The following CNTNAP4 variants were observed in gnomAD, a reference collection of about 807,000 sequenced individuals.
CNTNAP4 encodes contactin associated protein family member 4.
CNTNAP4 carries 98 observed loss-of-function variants against 148.4 expected under a neutral mutation model. The observed-to-expected ratio is 0.66, with a 90% confidence interval of 0.56 to 0.78. The LOEUF (loss-of-function observed/expected upper bound fraction) is 0.78. CNTNAP4 is among the 30% of genes least tolerant of loss of function. The probability of loss-of-function intolerance (pLI) is 0.00; values close to 1 mark genes in which losing one functional copy is unlikely to be tolerated. For missense variants in CNTNAP4, 1,935 were observed against 1,565.6 expected, an observed-to-expected ratio of 1.24 and a Z score of -3.98; for synonymous variants, 730 against 565.1, an observed-to-expected ratio of 1.29 and a Z score of -4.14.
At position 76,385,821 on chromosome 16, in the gene CNTNAP4, A is replaced by G. The variant is rs60267240; in HGVS notation, c.390+30310A>G. On this transcript the variant is annotated intron_variant, in intron 3 of 23. Coordinates refer to ENST00000611870, the MANE Select transcript of CNTNAP4 (RefSeq NM_033401.5). ...CTCATGGCCAACAGCACTATAACTC[A>G]TGACTGAATGAAGCTTCCCTAACAC... 6.1e-3 allele frequency among the ~76,000 whole-genome samples: 924 copies of G among 152,244 alleles called. 9 individuals carry two copies. The highest frequency in any genetic ancestry group is 0.02 in the African/African-American group (836 of 41,526).
chr16:76,555,482 C>A (rs1001407036), intron 23 of CNTNAP4, among the ~76,000 whole-genome samples: 1 of 152,166 alleles, frequency 6.6e-6, no homozygotes, highest in Non-Finnish European at 1.5e-5. Flanking sequence ...AGAGTTTAAG[C>A]TAGAATTCCT....
At chr16:76,316,841 TAAA>T (rs771326469) in intron 2 of CNTNAP4, among the ~76,000 whole-genome samples, 54 of 152,304 alleles carry the variant, frequency 3.5e-4, no homozygotes, top group Admixed American at 1.2e-3. Context: ...AGTTTCAAGT[TAAA>T]GAAGTAATTT....
intron 3 of CNTNAP4, among the ~76,000 whole-genome samples, chr16:76,375,941 C>G (rs930275989): frequency 6.6e-6 from 1 of 152,150 alleles, no homozygotes; most frequent in Admixed American, 6.5e-5. Flanking sequence ...CTCATGCAAG[C>G]TGTGTGACCT....
intron 1 of CNTNAP4, among the ~76,000 whole-genome samples, chr16:76,285,498 T>A (rs1958843225): frequency 6.6e-6 from 1 of 152,076 alleles, no homozygotes; most frequent in African/African-American, 2.4e-5. Flanking sequence ...TTTTATTAAG[T>A]ACCTCTCATT....
chr16:76,303,912 C>G (rs1020257118), intron 1 of CNTNAP4, among the ~76,000 whole-genome samples: 1 of 151,932 alleles, frequency 6.6e-6, no homozygotes, highest in Non-Finnish European at 1.5e-5. Context: ...ATGTTGAATG[C>G]TGATTTCTCT....
intron 3 of CNTNAP4, among the ~76,000 whole-genome samples, chr16:76,400,329 C>A (rs972736396): frequency 1.3e-5 from 2 of 152,130 alleles, no homozygotes; most frequent in African/African-American, 4.8e-5. Flanking sequence ...AAAATCCACT[C>A]ATTTAGCAAA....
At chr16:76,321,998 G>A (rs1289864817) in intron 2 of CNTNAP4, among the ~76,000 whole-genome samples, 1 of 152,080 alleles carries the variant, frequency 6.6e-6, no homozygotes, top group African/African-American at 2.4e-5. Flanking sequence ...ACCAGGCTGG[G>A]GCAGGTGAAC....
chr16:76,539,961 TC>T, intron 20 of CNTNAP4, 109 bp downstream of exon 20: 1 of 764,518 alleles, frequency 1.3e-6, no homozygotes, highest in Non-Finnish European at 2.1e-6. Context: ...CTTTCATTGG[TC>T]TTCTTCTGCA....
At chr16:76,309,146 A>G (rs2144016125) in intron 1 of CNTNAP4, among the ~76,000 whole-genome samples, 1 of 152,084 alleles carries the variant, frequency 6.6e-6, no homozygotes, top group South Asian at 2.1e-4. Context: ...CTTTTTAAAC[A>G]TACTTGTGTC....
At chr16:76,430,753 C>G (rs1222648171) in intron 4 of CNTNAP4, among the ~76,000 whole-genome samples, 1 of 152,134 alleles carries the variant, frequency 6.6e-6, no homozygotes, top group Non-Finnish European at 1.5e-5. Context: ...TGTAGCACAC[C>G]TCGCAGACTG....
chr16:76,338,809 A>G (rs1304418303), intron 2 of CNTNAP4, among the ~76,000 whole-genome samples: 2 of 152,134 alleles, frequency 1.3e-5, no homozygotes, highest in Non-Finnish European at 2.9e-5. Context: ...CTTCATGTTT[A>G]AGGTGGGGAA....
intron 5 of CNTNAP4, 86 bp downstream of exon 5, chr16:76,448,301 C>G: frequency 1.1e-6 from 1 of 879,300 alleles, no homozygotes; most frequent in Non-Finnish European, 1.8e-6. Context: ...TATCTTTTAG[C>G]AGTCAGAGTG....
chr16:76,323,192 T>A (rs935577584), intron 2 of CNTNAP4, among the ~76,000 whole-genome samples: 1 of 152,168 alleles, frequency 6.6e-6, no homozygotes, highest in Non-Finnish European at 1.5e-5. Context: ...AATAATTAGT[T>A]TTTTAATGTT....
intron 1 of CNTNAP4, chr16:76,310,016 T>C: frequency 1.6e-6 from 1 of 622,346 alleles, no homozygotes; most frequent in African/African-American, 1.8e-5. Context: ...TTATTTGGCT[T>C]CTTGCACTGG....
intron 3 of CNTNAP4, among the ~76,000 whole-genome samples, chr16:76,371,850 C>G (rs1443887667): frequency 6.6e-6 from 1 of 152,214 alleles, no homozygotes; most frequent in African/African-American, 2.4e-5. Flanking sequence ...TAAGGCATGT[C>G]TGCCAAACAA....
At chr16:76,542,805 C>G (rs532475287) in intron 21 of CNTNAP4, among the ~76,000 whole-genome samples, 37 of 152,252 alleles carry the variant, frequency 2.4e-4, no homozygotes, top group African/African-American at 6.7e-4. Flanking sequence ...TACACTAGTA[C>G]AGTAGATACC....
At chr16:76,547,114 G>A (rs1327918024) in intron 21 of CNTNAP4, among the ~76,000 whole-genome samples, 1 of 152,146 alleles carries the variant, frequency 6.6e-6, no homozygotes, top group Admixed American at 6.5e-5. Flanking sequence ...ATGCCGAAGT[G>A]ACTGACTTGT....
At chr16:76,454,899 T>A (rs2080663461) in intron 8 of CNTNAP4, among the ~76,000 whole-genome samples, 1 of 152,230 alleles carries the variant, frequency 6.6e-6, no homozygotes, top group South Asian at 2.1e-4. Flanking sequence ...ACAAATCTTA[T>A]ATGTTTGAAA....
At chr16:76,431,071 T>G (rs1156721314) in intron 4 of CNTNAP4, among the ~76,000 whole-genome samples, 2 of 152,094 alleles carry the variant, frequency 1.3e-5, no homozygotes, top group Non-Finnish European at 2.9e-5. Flanking sequence ...AGAAGGAGTA[T>G]AGGGTGTGAG....
Sources: gnomAD v4.1 joint callset for allele counts (sites outside exome capture counted in the v4.1 genomes callset) on GRCh38, gnomAD v4.1.1 for gene constraint, MANE v1.5 for transcripts, NCBI Gene and HGNC (gene_info 2026-07-23, HGNC 2026-07-21) for gene names.